MEI4: variants seen among roughly 807,000 people sequenced by gnomAD.
MEI4 encodes the protein meiosis-specific protein MEI4.
In MEI4, 27 loss-of-function variants were observed where a neutral mutation model predicts 31.4. That is an observed-to-expected ratio of 0.86 (90% CI 0.63 to 1.19). MEI4 has a LOEUF of 1.19. MEI4 is among the 50% of genes most tolerant of loss of function. The pLI is 0.00. For missense variants in MEI4, 329 were observed against 398.9 expected (o/e 0.82, Z 1.49); for synonymous variants, 122 against 145.4 (o/e 0.84, Z 1.16).
chr6:77,669,128 A>G (rs1021849330), intron 1 of MEI4, among the ~76,000 whole-genome samples: 6 of 152,184 alleles, frequency 3.9e-5, no homozygotes, highest in Non-Finnish European at 4.4e-5. Context: ...GCCCCCATTA[A>G]TAAATGTCTA....
intron 4 of MEI4, among the ~76,000 whole-genome samples, chr6:77,856,775 G>T (rs9767381): frequency 0.83 from 125,581 of 152,068 alleles, 52,367 homozygotes; most frequent in East Asian, 0.95. Context: ...CTTATCCACC[G>T]ACCTAAGCAC....
intron 4 of MEI4, among the ~76,000 whole-genome samples, chr6:77,899,661 T>C (rs1377569986): frequency 3.3e-5 from 5 of 152,116 alleles, no homozygotes; most frequent in Non-Finnish European, 1.5e-5. Flanking sequence ...ACTGCTAGTA[T>C]GTAAAAATTA....
At chr6:77,731,438 G>A (rs1766988236) in intron 2 of MEI4, among the ~76,000 whole-genome samples, 1 of 151,074 alleles carries the variant, frequency 6.6e-6, no homozygotes, top group African/African-American at 2.4e-5. Context: ...TTTGAGAAGT[G>A]TCTGTTCATG....
chr6:77,860,863 A>G (rs1172969749), intron 4 of MEI4, among the ~76,000 whole-genome samples: 2 of 152,106 alleles, frequency 1.3e-5, no homozygotes. Flanking sequence ...TGAACATTTT[A>G]TCTCTTCTTC....
At chr6:77,700,932 GAATGA>G (rs556999728) in intron 2 of MEI4, among the ~76,000 whole-genome samples, 7 of 152,104 alleles carry the variant, frequency 4.6e-5, no homozygotes. Flanking sequence ...CTAATTTATG[GAATGA>G]AAGAATGAAA....
intron 4 of MEI4, among the ~76,000 whole-genome samples, chr6:77,879,610 CTTTCTCCATGCTACT>C: frequency 6.6e-6 from 1 of 152,286 alleles, no homozygotes; most frequent in African/African-American, 2.4e-5. Context: ...TGAAAAATCC[CTTTCTCCATGCTACT>C]CCAAGCCTAT....
intron 1 of MEI4, among the ~76,000 whole-genome samples, chr6:77,655,031 A>G (rs1768367737): frequency 6.6e-6 from 1 of 152,048 alleles, no homozygotes; most frequent in African/African-American, 2.4e-5. Context: ...CATCATCTAC[A>G]TTAGGTATTT....
intron 3 of MEI4, among the ~76,000 whole-genome samples, chr6:77,780,570 G>A (rs1768568302): frequency 6.6e-6 from 1 of 152,082 alleles, no homozygotes; most frequent in Non-Finnish European, 1.5e-5. Context: ...TGCAGCTGTT[G>A]GCACAGGCTT....
At chr6:77,657,026 AAGACTTTGGC>A (rs1768409932) in intron 1 of MEI4, among the ~76,000 whole-genome samples, 1 of 152,292 alleles carries the variant, frequency 6.6e-6, no homozygotes, top group South Asian at 2.1e-4. Context: ...TTTCAGCTCA[AAGACTTTGGC>A]AGTATGTTTC....
chr6:77,902,813 G>C (rs1389255972), intron 4 of MEI4, among the ~76,000 whole-genome samples: 1 of 152,078 alleles, frequency 6.6e-6, no homozygotes, highest in East Asian at 1.9e-4. Flanking sequence ...TTTGCTTCAA[G>C]TTGTCCCGCC....
intron 3 of MEI4, among the ~76,000 whole-genome samples, chr6:77,770,199 A>G (rs573670040): frequency 1.3e-5 from 2 of 152,182 alleles, no homozygotes; most frequent in Non-Finnish European, 2.9e-5. Flanking sequence ...GAACAACTAT[A>G]TGCCAGTAAA....
upstream of MEI4, among the ~76,000 whole-genome samples, chr6:77,652,251 T>G (rs950888528): frequency 1.3e-5 from 2 of 152,086 alleles, no homozygotes; most frequent in African/African-American, 4.8e-5. Context: ...TTGAGGAAAA[T>G]TAGACACATT....
At chr6:77,791,880 C>G (rs1167785407) in intron 3 of MEI4, among the ~76,000 whole-genome samples, 5 of 152,054 alleles carry the variant, frequency 3.3e-5, no homozygotes, top group African/African-American at 4.8e-5. Flanking sequence ...GAACTTACTT[C>G]TCCTATCTAA....
chr6:77,696,202 A>G (rs984262237), intron 2 of MEI4, among the ~76,000 whole-genome samples: 1 of 152,168 alleles, frequency 6.6e-6, no homozygotes, highest in Non-Finnish European at 1.5e-5. Context: ...CAATCATGTC[A>G]TCTGCAAACA....
At chr6:77,737,002 G>A (rs1767260478) in intron 2 of MEI4, among the ~76,000 whole-genome samples, 1 of 152,166 alleles carries the variant, frequency 6.6e-6, no homozygotes, top group Non-Finnish European at 1.5e-5. Context: ...TAATATGATA[G>A]TGGCATACAG....
At chr6:77,824,101 AT>A (rs960167011) in intron 3 of MEI4, among the ~76,000 whole-genome samples, 4 of 151,794 alleles carry the variant, frequency 2.6e-5, no homozygotes, top group Admixed American at 1.3e-4. Flanking sequence ...AAGTCACTAC[AT>A]TTTTTTTGAT....
chr6:77,831,172 T>C (rs1405153088), intron 4 of MEI4, among the ~76,000 whole-genome samples: 1 of 149,374 alleles, frequency 6.7e-6, no homozygotes, highest in Non-Finnish European at 1.5e-5. Context: ...TCAACAATAC[T>C]AATCATCAGG....
At chr6:77,905,236 T>A (rs970283587) in intron 4 of MEI4, among the ~76,000 whole-genome samples, 2 of 152,054 alleles carry the variant, frequency 1.3e-5, no homozygotes, top group African/African-American at 2.4e-5. Context: ...TTTGTATACA[T>A]CATCTCTCTC....
intron 2 of MEI4, chr6:77,716,799 T>C: frequency 1.7e-5 from 13 of 778,056 alleles, no homozygotes; most frequent in Non-Finnish European, 2.0e-5. Flanking sequence ...ACACTGCATG[T>C]TGTCATGTGG....
Sources: gnomAD v4.1 joint callset for allele counts (sites outside exome capture counted in the v4.1 genomes callset) on GRCh38, gnomAD v4.1.1 for gene constraint, MANE v1.5 for transcripts, NCBI Gene and HGNC (gene_info 2026-07-23, HGNC 2026-07-21) for gene names.